Variants in NCKAP5 observed in about 807,000 individuals in gnomAD.
NCKAP5 encodes the protein NCK associated protein 5.
Under a neutral mutation model 167.0 loss-of-function variants are expected in NCKAP5, and 92 were observed. The observed-to-expected ratio is 0.55, with a 90% CI of 0.47 to 0.66. The LOEUF is 0.66. Ranked by LOEUF, NCKAP5 falls within the 30% of genes least tolerant of loss-of-function variation. NCKAP5 has a pLI of 0.00. For missense variants in NCKAP5, 2,378 were observed against 2,315.0 expected, an observed-to-expected ratio of 1.03 and a Z score of -0.56; for synonymous variants, 891 against 877.4, an observed-to-expected ratio of 1.02 and a Z score of -0.27.
intron 19 of NCKAP5, among the ~76,000 whole-genome samples, chr2:132,702,461 G>T (rs1441919901): frequency 1.3e-5 from 2 of 152,136 alleles, no homozygotes; most frequent in African/African-American, 4.8e-5. Context: ...ACTTAAAGGG[G>T]CAAGAGAGCT....
intron 3 of NCKAP5, among the ~76,000 whole-genome samples, chr2:133,390,368 T>C (rs1463412776): frequency 2.0e-5 from 3 of 152,222 alleles, no homozygotes; most frequent in Non-Finnish European, 4.4e-5. Context: ...GTGGCTATTA[T>C]GTGCATACCA....
Position 133,485,535 on chromosome 2 carries a change from G to A in NCKAP5, c.69+31923C>T, listed in dbSNP as rs545626211. On this transcript the variant is annotated intron_variant, in intron 3 of 19. Transcript: ENST00000409261. ...TAGAGTCTAAAGAGATATGGCCCTA[G>A]TGTCAGTATTATCACTTGGCTAGGA... is the stretch of plus-strand genomic sequence containing the variant. Among the ~76,000 whole-genome samples, 4 of 152,270 alleles carry A rather than the reference G, an allele frequency of 2.6e-5. No homozygotes were observed. In the South Asian group the frequency reaches 6.2e-4, roughly 24 times the overall value.
intron 4 of NCKAP5, among the ~76,000 whole-genome samples, chr2:133,288,779 G>A (rs940051056): frequency 3.3e-5 from 5 of 152,068 alleles, no homozygotes; most frequent in Admixed American, 2.0e-4. Context: ...AGAAAGCTAG[G>A]TTCATAAAAG....
intron 4 of NCKAP5, among the ~76,000 whole-genome samples, chr2:133,251,065 T>C (rs922986358): frequency 2.6e-5 from 4 of 151,700 alleles, no homozygotes; most frequent in Non-Finnish European, 4.4e-5. Context: ...ACTGAAAACA[T>C]TCTTTAAAAA....
At chr2:133,384,710 T>C (rs1268322083) in intron 3 of NCKAP5, among the ~76,000 whole-genome samples, 1 of 152,244 alleles carries the variant, frequency 6.6e-6, no homozygotes, top group Non-Finnish European at 1.5e-5. Flanking sequence ...CTTCCATTTG[T>C]TTGTGTCCTC....
At chr2:133,118,309 G>C (rs1202502781) in intron 6 of NCKAP5, 1 of 150,946 alleles carries the variant, frequency 6.6e-6, no homozygotes, top group Non-Finnish European at 1.5e-5. Context: ...TTCAGGTTTA[G>C]TAGTATCTGC....
Position 133,241,341 on chromosome 2 carries a change from C to T in NCKAP5, c.144-27562G>A, listed in dbSNP as rs558831213. Among the ~76,000 whole-genome samples, 10 of 152,330 alleles carry T rather than the reference C, an allele frequency of 6.6e-5. No homozygotes were observed. In the East Asian group the frequency reaches 1.9e-3, roughly 29 times the overall value. On this transcript the variant is annotated intron_variant, in intron 4 of 19. Coordinates refer to ENST00000409261, the MANE Select transcript of NCKAP5 (RefSeq NM_207363.3). ...GACACACTCACATCACATGCTGGAGCTGAGGAGCTCAAAGTATTTTACAAA... is the reference window on the plus strand; with the variant it reads ...GACACACTCACATCACATGCTGGAGTTGAGGAGCTCAAAGTATTTTACAAA...
chr2:133,383,634 T>C (rs1397264892), intron 3 of NCKAP5, among the ~76,000 whole-genome samples: 1 of 152,192 alleles, frequency 6.6e-6, no homozygotes, highest in Non-Finnish European at 1.5e-5. Flanking sequence ...CCTGAGGAAT[T>C]GCCACACTGT....
chr2:133,492,422 G>A (rs1031593378), intron 3 of NCKAP5, among the ~76,000 whole-genome samples: 9 of 152,254 alleles, frequency 5.9e-5, no homozygotes, highest in African/African-American at 7.2e-5. Context: ...TGCGGAAAGC[G>A]GGACTGTGCC....
chr2:133,027,003 T>C (rs2078720009), intron 6 of NCKAP5, among the ~76,000 whole-genome samples: 1 of 152,138 alleles, frequency 6.6e-6, no homozygotes, highest in Admixed American at 6.5e-5. Context: ...CCTTACAAAG[T>C]GCTGTGAGTC....
At position 132,783,878 on chromosome 2, in the gene NCKAP5, G is replaced by A; in HGVS notation, c.2933C>T (p.Ser978Phe). ...CGGATTAGAAGAAATAACTGGAGCA[G>A]AAATTCCTTTCAGCAGCGGGGATTT... ...PFKSPLLKGI[S>F]APVISSNPAT... Residue 978 changes from serine (S) to phenylalanine (F), a missense_variant, in exon 14 of 20, where the codon TCT (serine) becomes TTT (phenylalanine). Transcript: ENST00000409261. The A allele has an allele frequency of 6.5e-7, 1 of 1,534,836 alleles. No individual in the cohort carries two copies. Among genetic ancestry groups the A allele is most frequent in the Non-Finnish European group, 8.7e-7 (1 of 1,143,618 alleles).
intron 3 of NCKAP5, among the ~76,000 whole-genome samples, chr2:133,487,123 C>A (rs1396428446): frequency 3.3e-5 from 5 of 152,096 alleles, no homozygotes; most frequent in Non-Finnish European, 5.9e-5. Context: ...TTCTTTCATA[C>A]CCTCCCCAGC....
At chr2:132,741,561 A>G (rs974629610) in intron 16 of NCKAP5, among the ~76,000 whole-genome samples, 1 of 152,086 alleles carries the variant, frequency 6.6e-6, no homozygotes, top group African/African-American at 2.4e-5. Flanking sequence ...TAAGAGTAGG[A>G]CACAGAACTC....
intron 5 of NCKAP5, among the ~76,000 whole-genome samples, chr2:133,159,654 G>A (rs1242464748): frequency 6.6e-6 from 1 of 152,194 alleles, no homozygotes; most frequent in African/African-American, 2.4e-5. Flanking sequence ...GGATTCAGAG[G>A]AGAGAAAAGT....
intron 4 of NCKAP5, among the ~76,000 whole-genome samples, chr2:133,272,661 C>T (rs1262927714): frequency 6.6e-6 from 1 of 152,106 alleles, no homozygotes; most frequent in African/African-American, 2.4e-5. Flanking sequence ...GCAACCATCA[C>T]CATCCCCTTA....
At chr2:133,292,163 A>G (rs1265576713) in intron 4 of NCKAP5, among the ~76,000 whole-genome samples, 1 of 152,196 alleles carries the variant, frequency 6.6e-6, no homozygotes, top group Non-Finnish European at 1.5e-5. Flanking sequence ...AGAGAGATAC[A>G]GGGTTATATC....
intron 15 of NCKAP5, among the ~76,000 whole-genome samples, chr2:132,779,188 A>G (rs1044515195): frequency 7.2e-5 from 11 of 152,258 alleles, no homozygotes; most frequent in Non-Finnish European, 1.2e-4. Context: ...ACCCTGTGAA[A>G]GACTGCAGAT....
intron 3 of NCKAP5, among the ~76,000 whole-genome samples, chr2:133,503,986 G>A (rs534160619): frequency 2.8e-4 from 42 of 152,128 alleles, no homozygotes; most frequent in Admixed American, 2.4e-3. Flanking sequence ...GCACAAGAAC[G>A]GGCTCTCCAA....
Position 132,784,559 on chromosome 2 carries a change from A to G in NCKAP5, c.2252T>C (p.Val751Ala). The G allele has an allele frequency of 6.4e-7, 1 of 1,574,360 alleles. No homozygotes were observed. The highest frequency in any genetic ancestry group is 8.6e-7 in the Non-Finnish European group (1 of 1,159,872). ...GAAAGATTCAGTGGACACCCTGGGA[A>G]CATTATCTACATTATCTTTTGGAAT... Reference protein sequence around the residue: ...KNIPKDNVDNVPRVSTESFSS... With the variant: ...KNIPKDNVDNAPRVSTESFSS... The change falls in exon 14 of 20, where the codon GTT (valine) becomes GCT (alanine). Residue 751 changes from valine to alanine, a missense_variant. Coordinates refer to ENST00000409261, the MANE Select transcript of NCKAP5 (RefSeq NM_207363.3).
Sources: gnomAD v4.1 joint callset for allele counts (sites outside exome capture counted in the v4.1 genomes callset) on GRCh38, gnomAD v4.1.1 for gene constraint, MANE v1.5 for transcripts, NCBI Gene and HGNC (gene_info 2026-07-23, HGNC 2026-07-21) for gene names.